Variants in DNAH3 observed in about 807,000 individuals in gnomAD.
The protein encoded by DNAH3 is axonemal beta dynein heavy chain 3.
Under a neutral mutation model 432.5 loss-of-function variants are expected in DNAH3, and 332 were observed. The observed-to-expected ratio is 0.77, with a 90% CI of 0.70 to 0.84. The LOEUF (loss-of-function observed/expected upper bound fraction) is 0.84. Among genes scored for constraint, DNAH3 ranks in the 40% least tolerant of loss-of-function variants. The pLI is 0.00. For missense variants in DNAH3, 4,861 were observed against 5,114.0 expected (o/e 0.95, Z 1.51); for synonymous variants, 1,956 against 1,900.2 (o/e 1.03, Z -0.76).
intron 52 of DNAH3, among the ~76,000 whole-genome samples, chr16:20,966,337 C>A (rs1440975396): frequency 6.6e-6 from 1 of 152,018 alleles, no homozygotes; most frequent in Non-Finnish European, 1.5e-5. Context: ...CCACGCCCAG[C>A]TGTGCCCAGC....
chr16:20,983,827 A>G (rs1356562820), intron 48 of DNAH3, among the ~76,000 whole-genome samples: 1 of 152,018 alleles, frequency 6.6e-6, no homozygotes, highest in Non-Finnish European at 1.5e-5. Context: ...AACCTGGGCA[A>G]CAAAGTGAAC....
intron 1 of DNAH3, among the ~76,000 whole-genome samples, chr16:21,149,778 T>C (rs1255383528): frequency 6.6e-6 from 1 of 152,190 alleles, no homozygotes; most frequent in Admixed American, 6.5e-5. Context: ...CCCGGATTTT[T>C]CACAGCAAAA....
intron 18 of DNAH3, among the ~76,000 whole-genome samples, chr16:21,094,906 T>C (rs2091635376): frequency 6.6e-6 from 1 of 152,186 alleles, no homozygotes; most frequent in African/African-American, 2.4e-5. Flanking sequence ...CATGCTCTCT[T>C]GCCTGCCGCC....
chr16:21,146,736 C>A (rs1481257117), intron 1 of DNAH3, among the ~76,000 whole-genome samples: 1 of 151,236 alleles, frequency 6.6e-6, no homozygotes, highest in Non-Finnish European at 1.5e-5. Flanking sequence ...TCTCCCCAAC[C>A]CTTCCACTCC....
chr16:20,980,091 TTGA>T (rs957934865), intron 49 of DNAH3, among the ~76,000 whole-genome samples: 21 of 151,184 alleles, frequency 1.4e-4, no homozygotes, highest in Non-Finnish European at 1.0e-4. Context: ...ACTGATCCCT[TTGA>T]TGAATCACCA....
At chr16:20,956,186 C>T (rs540940145) in intron 54 of DNAH3, among the ~76,000 whole-genome samples, 2 of 152,260 alleles carry the variant, frequency 1.3e-5, no homozygotes, top group Non-Finnish European at 2.9e-5. Context: ...CCTCGGCCCC[C>T]CAAAGTGCTA....
At chr16:20,968,626 G>A (rs3103824) in intron 52 of DNAH3, among the ~76,000 whole-genome samples, 24,104 of 151,790 alleles carry the variant, frequency 0.16, 2,020 homozygotes, top group African/African-American at 0.2. Flanking sequence ...CTTTCTGCCC[G>A]TTTCTAATTC....
At chr16:20,965,148 C>T (rs2084996151) in exon 53 of DNAH3, 1 of 1,614,028 alleles carries the variant, frequency 6.2e-7, no homozygotes, top group African/African-American at 1.3e-5. Context: ...CCAGCTTCCC[C>T]TCTGCCTCCC....
chr16:21,050,934 A>G (rs895368396), intron 29 of DNAH3, among the ~76,000 whole-genome samples: 10 of 152,198 alleles, frequency 6.6e-5, no homozygotes, highest in African/African-American at 2.4e-4. Context: ...AATCATTTGA[A>G]TATGTCTCTC....
chr16:21,027,963 G>A (rs2088657591), intron 37 of DNAH3, among the ~76,000 whole-genome samples: 2 of 152,176 alleles, frequency 1.3e-5, no homozygotes, highest in African/African-American at 4.8e-5. Context: ...AGGGACAAAA[G>A]CCTTTCCATA....
Position 20,963,758 on chromosome 16 carries a change from GGAGA to G in DNAH3, c.10122_10125del (p.Leu3375SerfsTer2). 1 of 1,614,068 alleles carries G rather than the reference GGAGA, an allele frequency of 6.2e-7. No homozygotes were observed. Among genetic ancestry groups the G allele is most frequent in the Admixed American group, 1.7e-5 (1 of 59,978 alleles). On this transcript the variant is annotated frameshift_variant, in exon 53 of 62. Coordinates refer to ENST00000261383, the Ensembl canonical transcript of DNAH3. LOFTEE classifies it high-confidence loss of function. ...TGTTTCATGATGCCGATGGTCAGGA[GGAGA>G]GAGAAGAGTAGCTTGTCCTTCTCAA...
intron 5 of DNAH3, among the ~76,000 whole-genome samples, chr16:21,139,981 C>T (rs1183456291): frequency 6.6e-6 from 1 of 151,310 alleles, no homozygotes; most frequent in African/African-American, 2.4e-5. Context: ...GACGGGGTTT[C>T]AGCATGTTGA....
intron 41 of DNAH3, among the ~76,000 whole-genome samples, chr16:21,007,556 GTTAT>G (rs967325400): frequency 2.0e-5 from 3 of 152,058 alleles, no homozygotes; most frequent in South Asian, 2.1e-4. Flanking sequence ...TTTATATAGT[GTTAT>G]TTGTCTTTTT....
intron 41 of DNAH3, among the ~76,000 whole-genome samples, chr16:21,016,628 T>C (rs1204899297): frequency 6.6e-6 from 1 of 152,102 alleles, no homozygotes; most frequent in African/African-American, 2.4e-5. Flanking sequence ...AAACATAGCA[T>C]TAACATATGA....
chr16:21,027,001 C>G (rs757139832), intron 38 of DNAH3, 26 bp downstream of exon 38: 3 of 1,568,440 alleles, frequency 1.9e-6, no homozygotes, highest in South Asian at 2.2e-5. Flanking sequence ...CACTGTCCCC[C>G]GGGGTGCCAG....
chr16:20,946,164 G>C (rs1309955071), intron 57 of DNAH3, among the ~76,000 whole-genome samples: 1 of 152,104 alleles, frequency 6.6e-6, no homozygotes, highest in African/African-American at 2.4e-5. Flanking sequence ...CCTTAAGTCT[G>C]ATAAGAAACA....
At chr16:21,020,375 C>A (rs1486091620) in intron 40 of DNAH3, among the ~76,000 whole-genome samples, 4 of 32,958 alleles carry the variant, frequency 1.2e-4, no homozygotes, top group African/African-American at 1.7e-4. Flanking sequence ...TATAAAATCA[C>A]TATATATATA....
chr16:21,003,242 A>G (rs1364534429), intron 41 of DNAH3, 35 bp from the exon 42 acceptor site: 2 of 1,441,702 alleles, frequency 1.4e-6, no homozygotes, highest in Admixed American at 2.1e-5. Flanking sequence ...TCATTAGCAC[A>G]TGAAGGCTTT....
chr16:20,987,737 G>A lies in DNAH3; in HGVS notation c.6838C>T (p.Arg2280Ter), dbSNP rs752042147. Residue 2280 changes from arginine (R) to a stop codon, truncating the protein, a stop_gained, in exon 46 of 62, where the codon CGA becomes TGA. Transcript: ENST00000261383. LOFTEE classifies it high-confidence loss of function. ...CACAGCAGGACCCCTTGAATCACTC[G>A]TGAGAAGTCCCGCAGGTTAAAGACG... The A allele has an allele frequency of 1.2e-6, 2 of 1,614,148 alleles. No individual in the cohort carries two copies. The highest frequency in any genetic ancestry group is 1.7e-6 in the Non-Finnish European group (2 of 1,180,032).
Sources: gnomAD v4.1 joint callset for allele counts (sites outside exome capture counted in the v4.1 genomes callset) on GRCh38, gnomAD v4.1.1 for gene constraint, MANE v1.5 for transcripts, NCBI Gene and HGNC (gene_info 2026-07-23, HGNC 2026-07-21) for gene names.